LRRC8B: variants seen among roughly 807,000 people sequenced by gnomAD.
The protein encoded by LRRC8B is leucine rich repeat containing 8 VRAC subunit B, also known as volume-regulated anion channel subunit LRRC8B.
In LRRC8B, 23 loss-of-function variants were observed where a neutral mutation model predicts 58.8. That is an observed-to-expected ratio of 0.39 (90% CI 0.28 to 0.55). The LOEUF (loss-of-function observed/expected upper bound fraction) is 0.55. Ranked by LOEUF, LRRC8B falls within the 20% of genes least tolerant of loss-of-function variation. The pLI is 0.62. For synonymous variants in LRRC8B, 359 were observed against 374.1 expected, an observed-to-expected ratio of 0.96 and a Z score of 0.47; for missense variants, 694 against 936.0, an observed-to-expected ratio of 0.74 and a Z score of 3.37.
At chr1:89,526,076 G>A (rs946198676) in intron 1 of LRRC8B, among the ~76,000 whole-genome samples, 11 of 152,234 alleles carry the variant, frequency 7.2e-5, no homozygotes, top group Admixed American at 1.3e-4. Flanking sequence ...ATCTTTATCA[G>A]ATGGTTCTGT....
chr1:89,541,474 G>A (rs1479243739), intron 1 of LRRC8B, among the ~76,000 whole-genome samples: 4 of 151,914 alleles, frequency 2.6e-5, no homozygotes, highest in African/African-American at 9.7e-5. Context: ...CACTTTGGGA[G>A]GCCGAGGCGG....
intron 1 of LRRC8B, among the ~76,000 whole-genome samples, chr1:89,564,380 AAGG>A (rs1652890330): frequency 6.6e-6 from 1 of 152,200 alleles, no homozygotes; most frequent in African/African-American, 2.4e-5. Context: ...GCTTTGAAAA[AAGG>A]AGAGAGCTGT....
In LRRC8B at chr1:89,583,307, A is replaced by T. The variant is rs1166220461; in HGVS notation, c.657A>T (p.Glu219Asp). ...PQPGLESAGIESPTSSVLDKK... is the reference protein window; with the variant it reads ...PQPGLESAGIDSPTSSVLDKK... ...CAGGTTTGGAGTCAGCTGGCATAGA[A>T]AGCCCAACTTCCAGTGTCCTGGACA... The change falls in exon 5 of 6, where the codon GAA becomes GAT. Residue 219 changes from glutamate (E) to aspartate (D), a missense_variant. Coordinates refer to ENST00000330947, the MANE Select transcript of LRRC8B (RefSeq NM_001369817.2). The surrounding 1 kb of genome is among the most constrained non-coding windows in gnomAD (Gnocchi z 5.2). The T allele has an allele frequency of 6.2e-6, 10 of 1,614,220 alleles. No individual in the cohort carries two copies. The highest frequency in any genetic ancestry group is 6.8e-6 in the Non-Finnish European group (8 of 1,180,040).
At chr1:89,541,224 T>C (rs1650940713) in intron 1 of LRRC8B, among the ~76,000 whole-genome samples, 1 of 152,150 alleles carries the variant, frequency 6.6e-6, no homozygotes, top group African/African-American at 2.4e-5. Flanking sequence ...AGCTAAAAAA[T>C]TATGGGCTCA....
At chr1:89,551,968 T>C (rs377301883) in intron 1 of LRRC8B, among the ~76,000 whole-genome samples, 1 of 152,204 alleles carries the variant, frequency 6.6e-6, no homozygotes, top group African/African-American at 2.4e-5. Context: ...TGCTAATAGA[T>C]TTGTCTGTCA....
intron 5 of LRRC8B, among the ~76,000 whole-genome samples, chr1:89,586,606 G>C (rs1261027127): frequency 2.0e-5 from 3 of 152,096 alleles, no homozygotes; most frequent in African/African-American, 7.2e-5. Context: ...ATGGAATCCT[G>C]GACCATATCT....
intron 1 of LRRC8B, among the ~76,000 whole-genome samples, chr1:89,566,049 G>T (rs1653026297): frequency 6.6e-6 from 1 of 152,096 alleles, no homozygotes; most frequent in South Asian, 2.1e-4. Context: ...AGTTTCCAGA[G>T]ATCTAAATAC....
intron 5 of LRRC8B, 75 bp from the exon 6 acceptor site, chr1:89,592,696 T>TG: frequency 7.8e-7 from 1 of 1,281,842 alleles, no homozygotes; most frequent in Admixed American, 2.2e-5. Flanking sequence ...TTTTTTTTTT[T>TG]GGAAAAAAGG....
intron 3 of LRRC8B, among the ~76,000 whole-genome samples, chr1:89,576,681 T>G (rs570739554): frequency 6.6e-6 from 1 of 152,328 alleles, no homozygotes; most frequent in East Asian, 1.9e-4. Flanking sequence ...GTGATTTTTA[T>G]GTACATTAAT....
chr1:89,564,190 G>A (rs550378814), intron 1 of LRRC8B, among the ~76,000 whole-genome samples: 1 of 152,232 alleles, frequency 6.6e-6, no homozygotes, highest in East Asian at 1.9e-4. Flanking sequence ...GTGCAAGCAG[G>A]ATGTACCCTT....
At chr1:89,527,392 T>G (rs1035592988) in intron 1 of LRRC8B, among the ~76,000 whole-genome samples, 2 of 152,230 alleles carry the variant, frequency 1.3e-5, no homozygotes, top group Non-Finnish European at 2.9e-5. Flanking sequence ...TGCATTCTGA[T>G]TCTGTCATGT....
intron 1 of LRRC8B, among the ~76,000 whole-genome samples, chr1:89,545,994 G>C (rs1651374548): frequency 6.6e-6 from 1 of 151,982 alleles, no homozygotes; most frequent in Non-Finnish European, 1.5e-5. Context: ...GTTGGAGCTG[G>C]GTAAATGGTA....
rs1054913151 is a variant in LRRC8B, at chr1:89,595,009, C to T, written c.*1966C>T. The T allele has an allele frequency of 3.3e-5, 5 of 152,172 alleles. No homozygotes were observed. Among genetic ancestry groups the T allele is most frequent in the African/African-American group, 1.2e-4 (5 of 41,430 alleles). The allele number at this position is 152,172 out of a possible 1,614,324, so 9.4% of individuals were successfully genotyped here. A position where few individuals can be genotyped will look rare whatever the true frequency, so the allele number is the denominator to read the frequency against. On this transcript the variant is annotated 3_prime_UTR_variant, in exon 6 of 6. Transcript: ENST00000330947. ...AGAGCTTCCCCTCACCTGCCACACA[C>T]TCCTGCACTAAAGTTCAAAGAAAAG...
At chr1:89,560,985 T>G (rs1299116071) in intron 1 of LRRC8B, among the ~76,000 whole-genome samples, 3 of 150,164 alleles carry the variant, frequency 2.0e-5, no homozygotes, top group Non-Finnish European at 4.5e-5. Flanking sequence ...ATGGTTGAAC[T>G]AGTTTACAGT....
intron 1 of LRRC8B, among the ~76,000 whole-genome samples, chr1:89,556,791 T>C (rs1230996144): frequency 1.3e-5 from 2 of 152,128 alleles, no homozygotes; most frequent in African/African-American, 4.8e-5. Flanking sequence ...AAGGTAAAAA[T>C]GGACATTTTA....
At chr1:89,557,240 G>A (rs4658279) in intron 1 of LRRC8B, among the ~76,000 whole-genome samples, 63,813 of 151,514 alleles carry the variant, frequency 0.42, 14,249 homozygotes, top group South Asian at 0.55. Flanking sequence ...TGACTTCACA[G>A]TAGGACCCAA....
chr1:89,531,665 C>T (rs750943148), intron 1 of LRRC8B, among the ~76,000 whole-genome samples: 8 of 152,174 alleles, frequency 5.3e-5, no homozygotes, highest in Non-Finnish European at 8.8e-5. Context: ...AAGGTGGGGC[C>T]TCAGAGAAAG....
rs565075977 is a variant in LRRC8B, at chr1:89,535,727, G to A, written c.-241+10705G>A. 4.6e-5 allele frequency among the ~76,000 whole-genome samples: 7 copies of A among 152,096 alleles called. No homozygotes were observed. In the South Asian group the frequency reaches 1.2e-3, roughly 27 times the overall value. On this transcript the variant is annotated intron_variant, in intron 1 of 5. Transcript: ENST00000330947. ...GAACATTAGTTAAAGATAACCAGCC[G>A]CTTGACTGACAGTCATCTGGGTGAG...
At position 89,584,668 on chromosome 1, in the gene LRRC8B, T is replaced by G; in HGVS notation, c.2018T>G (p.Leu673Trp). The G allele has an allele frequency of 6.2e-7, 1 of 1,613,984 alleles. No homozygotes were observed. Among genetic ancestry groups the G allele is most frequent in the Non-Finnish European group, 8.5e-7 (1 of 1,179,978 alleles). The change falls in exon 5 of 6, where the codon TTG becomes TGG. Residue 673 changes from leucine to tryptophan, a missense_variant. Around this residue, in one of 5 missense-constraint regions of LRRC8B, gnomAD observed 139 missense variants for 158.2 expected, o/e 0.88. Coordinates refer to ENST00000330947, the MANE Select transcript of LRRC8B (RefSeq NM_001369817.2). The part of the protein sequence containing the change: ...LDHNNIENLP[L>W]QLFLCTKLHY... ...CATAATAATATTGAGAATCTGCCCT[T>G]GCAGCTTTTCCTATGCACTAAACTA...
Sources: gnomAD v4.1 joint callset for allele counts (sites outside exome capture counted in the v4.1 genomes callset) on GRCh38, gnomAD v4.1.1 for gene constraint, gnomAD v4.1.1 regional missense constraint, Gnocchi (gnomAD v3.1) non-coding constraint, MANE v1.5 for transcripts, NCBI Gene and HGNC (gene_info 2026-07-23, HGNC 2026-07-21) for gene names.